CYRIB: variants seen among roughly 807,000 people sequenced by gnomAD.
CYRIB encodes the protein CYFIP related Rac1 interactor B.
A neutral mutation model predicts 44.2 loss-of-function variants in CYRIB; 8 were observed. The observed-to-expected ratio is 0.18, with a 90% CI of 0.11 to 0.33. CYRIB has a LOEUF of 0.33. CYRIB is among the 10% of genes least tolerant of loss of function. CYRIB has a pLI of 1.00. For missense variants in CYRIB, 185 were observed against 382.8 expected, an observed-to-expected ratio of 0.48 and a Z score of 4.31; for synonymous variants, 131 against 127.2, an observed-to-expected ratio of 1.03 and a Z score of -0.20.
chr8:129,953,846 C>T (rs1469670010), intron 2 of CYRIB, among the ~76,000 whole-genome samples: 2 of 152,190 alleles, frequency 1.3e-5, no homozygotes, highest in African/African-American at 4.8e-5. Context: ...CAGGTCACTA[C>T]TGTGTAACCT....
chr8:129,918,867 T>C (rs893866888), intron 1 of CYRIB, among the ~76,000 whole-genome samples: 3 of 152,158 alleles, frequency 2.0e-5, no homozygotes, highest in Non-Finnish European at 2.9e-5. Flanking sequence ...AATGATTTGT[T>C]TGGGGAAAAG....
intron 1 of CYRIB, among the ~76,000 whole-genome samples, chr8:129,905,889 A>G (rs888399381): frequency 6.6e-6 from 1 of 152,228 alleles, no homozygotes; most frequent in Non-Finnish European, 1.5e-5. Context: ...TGGATCATCC[A>G]GGCACCTAAA....
intron 8 of CYRIB, chr8:129,851,402 T>C (rs1443018804): frequency 2.6e-5 from 4 of 155,452 alleles, no homozygotes; most frequent in African/African-American, 9.6e-5. Flanking sequence ...CTGATGTGGC[T>C]GGTGGCAAGA....
chr8:129,932,135 AT>A (rs2091670256), intron 1 of CYRIB, among the ~76,000 whole-genome samples: 1 of 151,272 alleles, frequency 6.6e-6, no homozygotes, highest in Non-Finnish European at 1.5e-5. Context: ...AGTAGCTGGG[AT>A]TACAGGTGCT....
chr8:129,932,805 G>A (rs1053421761), intron 1 of CYRIB, among the ~76,000 whole-genome samples: 1 of 152,174 alleles, frequency 6.6e-6, no homozygotes, highest in African/African-American at 2.4e-5. Flanking sequence ...CTGGGACAAG[G>A]GAAGATACCC....
At chr8:129,929,534 T>C (rs545568588) in intron 1 of CYRIB, among the ~76,000 whole-genome samples, 1 of 152,350 alleles carries the variant, frequency 6.6e-6, no homozygotes, top group South Asian at 2.1e-4. Context: ...TCAATAAAAT[T>C]GTTTTTAAAA....
chr8:129,916,110 G>A (rs1000169317), intron 1 of CYRIB, among the ~76,000 whole-genome samples: 1 of 152,188 alleles, frequency 6.6e-6, no homozygotes, highest in African/African-American at 2.4e-5. Flanking sequence ...TTTGGGCAGA[G>A]TCAGTAATAA....
chr8:129,868,292 C>T (rs1015738193), intron 4 of CYRIB, among the ~76,000 whole-genome samples: 7 of 152,116 alleles, frequency 4.6e-5, no homozygotes, highest in East Asian at 1.9e-4. Flanking sequence ...TATTTGTCCC[C>T]GATCTACAGT....
chr8:129,979,972 C>T (rs1229690637), intron 1 of CYRIB, among the ~76,000 whole-genome samples: 1 of 151,728 alleles, frequency 6.6e-6, no homozygotes, highest in Non-Finnish European at 1.5e-5. Flanking sequence ...AACTCATAAA[C>T]CCTTAAACAT....
At chr8:129,999,265 G>A (rs1471044877) in intron 1 of CYRIB, among the ~76,000 whole-genome samples, 2 of 152,150 alleles carry the variant, frequency 1.3e-5, no homozygotes, top group Non-Finnish European at 2.9e-5. Context: ...CAGTGGGGAG[G>A]AGCCGACCTT....
chr8:129,983,941 G>A (rs797017447), intron 1 of CYRIB, among the ~76,000 whole-genome samples: 3 of 152,362 alleles, frequency 2.0e-5, no homozygotes, highest in African/African-American at 7.2e-5. Context: ...GCAGGTCCTA[G>A]GAGAAGCCAG....
intron 3 of CYRIB, among the ~76,000 whole-genome samples, chr8:129,871,782 A>G (rs957167700): frequency 5.3e-5 from 8 of 152,194 alleles, no homozygotes; most frequent in African/African-American, 1.9e-4. Context: ...TGAGAATTAT[A>G]ATTAAAATTT....
At chr8:129,923,315 C>A (rs1289525580) in intron 1 of CYRIB, among the ~76,000 whole-genome samples, 3 of 151,808 alleles carry the variant, frequency 2.0e-5, no homozygotes, top group Non-Finnish European at 4.4e-5. Flanking sequence ...GCTCTTGTCA[C>A]CCAGGCTGGA....
intron 1 of CYRIB, among the ~76,000 whole-genome samples, chr8:129,914,868 A>C (rs1311479010): frequency 6.6e-6 from 1 of 152,246 alleles, no homozygotes; most frequent in Admixed American, 6.5e-5. Context: ...TAAGAAGGAA[A>C]GCAACTGAAT....
At chr8:129,924,314 G>GGA (rs2086062908) in intron 1 of CYRIB, among the ~76,000 whole-genome samples, 12 of 34,938 alleles carry the variant, frequency 3.4e-4, no homozygotes, top group East Asian at 1.0e-3. Context: ...GGTGGCGGGG[G>GGA]GGGTGTTACT....
chr8:130,009,882 C>A (rs954003614), intron 1 of CYRIB, among the ~76,000 whole-genome samples: 1 of 152,170 alleles, frequency 6.6e-6, no homozygotes, highest in African/African-American at 2.4e-5. Context: ...CTCCATCAGC[C>A]CTGCCATGCA....
chr8:129,902,045 T>G (rs1035904023), intron 2 of CYRIB, among the ~76,000 whole-genome samples: 4 of 152,150 alleles, frequency 2.6e-5, no homozygotes, highest in Non-Finnish European at 4.4e-5. Flanking sequence ...TGAGGCAGGA[T>G]TCATAGGCTT....
At chr8:129,929,990 A>T (rs968924697) in intron 1 of CYRIB, among the ~76,000 whole-genome samples, 4 of 152,086 alleles carry the variant, frequency 2.6e-5, no homozygotes, top group Admixed American at 1.3e-4. Flanking sequence ...AGGCAGGTAG[A>T]TCACAAGGTC....
intron 2 of CYRIB, among the ~76,000 whole-genome samples, chr8:129,962,757 G>A (rs753673716): frequency 6.6e-6 from 1 of 151,962 alleles, no homozygotes; most frequent in African/African-American, 2.4e-5. Context: ...TCAGCAGCAC[G>A]CTCCTGTTTG....
Sources: allele counts gnomAD v4.1 joint callset (sites outside exome capture counted in the v4.1 genomes callset), GRCh38; gene constraint gnomAD v4.1.1; transcripts MANE v1.5; gene names NCBI Gene and HGNC (gene_info 2026-07-23, HGNC 2026-07-21).